PDE8B: variants seen among roughly 807,000 people sequenced by gnomAD.
PDE8B encodes phosphodiesterase 8B, also known as high affinity cAMP-specific and IBMX-insensitive 3',5'-cyclic phosphodiesterase 8B.
A neutral mutation model predicts 101.3 loss-of-function variants in PDE8B; 26 were observed. The observed-to-expected ratio is 0.26, with a 90% CI of 0.19 to 0.36. The LOEUF is 0.36. Ranked by LOEUF, PDE8B falls within the 10% of genes least tolerant of loss-of-function variation. The pLI, the probability that PDE8B is intolerant of heterozygous loss-of-function variation, is 1.00. For synonymous variants in PDE8B, 424 were observed against 429.3 expected (o/e 0.99, Z 0.15); for missense variants, 810 against 1,163.1 (o/e 0.70, Z 4.42).
intron 2 of PDE8B, among the ~76,000 whole-genome samples, chr5:77,324,181 T>C (rs1169052346): frequency 6.6e-6 from 1 of 152,284 alleles, no homozygotes; most frequent in East Asian, 1.9e-4. Context: ...CTTAACGATA[T>C]CTTGAGATTA....
chr5:77,208,262 T>G (rs967535739), upstream of PDE8B, among the ~76,000 whole-genome samples: 9 of 152,190 alleles, frequency 5.9e-5, no homozygotes, highest in African/African-American at 1.9e-4. Context: ...TCTGGGTGGT[T>G]TCATTGCATT....
the PDE8B span, chr5:77,166,710 G>C: frequency 6.6e-6 from 1 of 152,154 alleles, no homozygotes. Flanking sequence ...GGCGGGAAGA[G>C]AGCCTGTGCT....
intron 19 of PDE8B, 116 bp from the exon 20 acceptor site, chr5:77,421,705 C>G (rs2151189259): frequency 1.1e-6 from 1 of 924,486 alleles, no homozygotes; most frequent in African/African-American, 1.6e-5. Context: ...GCTGCCTTCG[C>G]CGAGTCCCAG....
the PDE8B span, among the ~76,000 whole-genome samples, chr5:77,097,818 G>C: frequency 1.4e-5 from 2 of 143,274 alleles, no homozygotes; most frequent in Non-Finnish European, 1.5e-5. Flanking sequence ...ACAGGTAAGA[G>C]TCTTAATCCT....
At chr5:77,391,283 C>A (rs778566377) in intron 10 of PDE8B, among the ~76,000 whole-genome samples, 2 of 152,156 alleles carry the variant, frequency 1.3e-5, no homozygotes, top group Non-Finnish European at 2.9e-5. Context: ...AACCCAGCAC[C>A]GCTGGGGTGT....
At chr5:77,206,614 G>A (rs546516345), upstream of PDE8B, among the ~76,000 whole-genome samples, 2 of 152,314 alleles carry the variant, frequency 1.3e-5, no homozygotes, top group Admixed American at 1.3e-4. Context: ...GGCTGGAGCA[G>A]TGAGGGTGGG....
the PDE8B span, among the ~76,000 whole-genome samples, chr5:77,108,840 CT>C: frequency 6.6e-6 from 1 of 151,958 alleles, no homozygotes; most frequent in Non-Finnish European, 1.5e-5. Flanking sequence ...GTCAGCATTG[CT>C]TTTTTGGTTA....
intron 10 of PDE8B, among the ~76,000 whole-genome samples, chr5:77,368,319 T>C (rs1238654638): frequency 1.3e-5 from 2 of 152,202 alleles, no homozygotes; most frequent in African/African-American, 2.4e-5. Context: ...CTGTTGTGTA[T>C]AAGGTCTGTC....
chr5:77,346,845 G>C (rs1274640174), intron 7 of PDE8B, among the ~76,000 whole-genome samples: 1 of 152,218 alleles, frequency 6.6e-6, no homozygotes, highest in Non-Finnish European at 1.5e-5. Flanking sequence ...GATGTTATAT[G>C]TATGGTGAAA....
intron 2 of PDE8B, 48 bp from the exon 3 acceptor site, chr5:77,325,491 T>C (rs1380568478): frequency 2.6e-6 from 4 of 1,557,504 alleles, no homozygotes; most frequent in Admixed American, 1.7e-5. Flanking sequence ...TTTAATAGTC[T>C]CTATGGATGA....
chr5:77,329,186 C>A (rs1438349913), intron 4 of PDE8B, 129 bp downstream of exon 4: 4 of 717,782 alleles, frequency 5.6e-6, no homozygotes, highest in Non-Finnish European at 1.0e-5. Context: ...AGCCTTAGAT[C>A]TTGATCTTGC....
chr5:77,345,179 A>T (rs1779924859), intron 7 of PDE8B, among the ~76,000 whole-genome samples: 1 of 152,166 alleles, frequency 6.6e-6, no homozygotes, highest in South Asian at 2.1e-4. Flanking sequence ...AAAAAATTTT[A>T]TTTTTTTGAG....
At chr5:77,357,353 T>G (rs1457551966) in intron 10 of PDE8B, among the ~76,000 whole-genome samples, 2 of 152,160 alleles carry the variant, frequency 1.3e-5, no homozygotes, top group Non-Finnish European at 2.9e-5. Flanking sequence ...AGAAACCCTT[T>G]AGCCATGGGT....
chr5:77,157,019 C>T, the PDE8B span, among the ~76,000 whole-genome samples: 1 of 152,162 alleles, frequency 6.6e-6, no homozygotes, highest in Non-Finnish European at 1.5e-5. Flanking sequence ...TAGACAGGTC[C>T]ACTGGGGTCC....
intron 2 of PDE8B, 26 bp from the exon 3 acceptor site, chr5:77,325,513 A>G: frequency 2.5e-6 from 4 of 1,606,860 alleles, no homozygotes; most frequent in Non-Finnish European, 3.4e-6. Flanking sequence ...GATTTATTTC[A>G]AGATGCCCTT....
chr5:77,156,031 G>C, the PDE8B span, among the ~76,000 whole-genome samples: 3 of 152,304 alleles, frequency 2.0e-5, no homozygotes, highest in South Asian at 6.2e-4. Flanking sequence ...AATAATTGCT[G>C]CTTGGGCATT....
intron 9 of PDE8B, 113 bp from the exon 10 acceptor site, chr5:77,353,233 G>A (rs1032033973): frequency 1.4e-5 from 10 of 719,812 alleles, no homozygotes; most frequent in African/African-American, 1.4e-4. Flanking sequence ...TTTTAAAACT[G>A]CCCTAGGACG....
intron 2 of PDE8B, among the ~76,000 whole-genome samples, chr5:77,324,462 G>A (rs1775686614): frequency 6.6e-6 from 1 of 152,136 alleles, no homozygotes; most frequent in South Asian, 2.1e-4. Context: ...GTGGTGGTAG[G>A]GTAGTCTGTG....
the PDE8B span, among the ~76,000 whole-genome samples, chr5:77,121,880 C>T: frequency 5.9e-5 from 9 of 152,302 alleles, no homozygotes; most frequent in East Asian, 1.4e-3. Context: ...ATTTCCATTA[C>T]GTTTCACCTT....
Sources: gnomAD v4.1 joint callset for allele counts (sites outside exome capture counted in the v4.1 genomes callset) on GRCh38, gnomAD v4.1.1 for gene constraint, MANE v1.5 for transcripts, NCBI Gene and HGNC (gene_info 2026-07-23, HGNC 2026-07-21) for gene names.